SURF4: variants seen among roughly 807,000 people sequenced by gnomAD.
SURF4 encodes surfeit locus protein 4.
SURF4 carries 3 observed loss-of-function variants against 30.0 expected under a neutral mutation model. The ratio of observed to expected loss-of-function variants is 0.10; its 90% CI spans 0.05 to 0.26. SURF4 has a LOEUF of 0.26. Among genes scored for constraint, SURF4 ranks in the 10% least tolerant of loss-of-function variants. The pLI, the probability that SURF4 is intolerant of heterozygous loss-of-function variation, is 1.00. For synonymous variants in SURF4, 143 were observed against 139.9 expected, an observed-to-expected ratio of 1.02 and a Z score of -0.16; for missense variants, 217 against 350.8, an observed-to-expected ratio of 0.62 and a Z score of 3.05.
Position 133,363,975 on chromosome 9 carries a change from G to T in SURF4, c.544-216C>A. The T allele has an allele frequency of 1.4e-6, 1 of 719,586 alleles. No individual in the cohort carries two copies. Among genetic ancestry groups the T allele is most frequent in the South Asian group, 1.5e-5 (1 of 66,708 alleles). 44.6% of individuals were successfully genotyped at this position (719,586 alleles called of 1,614,324 possible). A position where few individuals can be genotyped will look rare whatever the true frequency, so the allele number is the denominator to read the frequency against. On this transcript the variant is annotated intron_variant, in intron 5 of 5. Transcript: ENST00000371989. The surrounding 1 kb of genome is among the most constrained non-coding windows in gnomAD (Gnocchi z 4.3). The stretch of plus-strand genomic sequence containing the variant: ...TTTGAAATGTGGAAGGTTTGGGGAA[G>T]ACTGAAGTTCCCAACTAGTAACAGG...
At chr9:133,373,905 G>GT (rs1837670246) in intron 1 of SURF4, among the ~76,000 whole-genome samples, 1 of 38,208 alleles carries the variant, frequency 2.6e-5, no homozygotes, top group South Asian at 1.1e-3. Context: ...GCGAAATTCT[G>GT]TCTCAAAAAA....
chr9:133,373,909 CAAAAAAAA>C lies in SURF4; in HGVS notation c.48+2005_48+2012del, dbSNP rs71824689. Among the ~76,000 whole-genome samples, 299 of 47,558 alleles carry C rather than the reference CAAAAAAAA, an allele frequency of 6.3e-3. 3 individuals are homozygous for C. Among genetic ancestry groups the C allele is most frequent in the Middle Eastern group, 0.026 (2 of 76 alleles). 31.2% of individuals were successfully genotyped at this position (47,558 alleles called of 152,430 possible). A position where few individuals can be genotyped will look rare whatever the true frequency, so the allele number is the denominator to read the frequency against. On this transcript the variant is annotated intron_variant, in intron 1 of 5. Transcript: ENST00000371989. ...CTCCAGCCTGAGCGAAATTCTGTCT[CAAAAAAAA>C]AAAAAAAAAAAAAAAAAAGAAGAAG... is the stretch of plus-strand genomic sequence containing the variant.
intron 5 of SURF4, 30 bp downstream of exon 5, chr9:133,364,810 A>G: frequency 6.2e-7 from 1 of 1,612,466 alleles, no homozygotes; most frequent in Non-Finnish European, 8.5e-7. Flanking sequence ...ACAGGAAACC[A>G]GACCGGTTCA....
At position 133,361,597 on chromosome 9, in the gene SURF4, T is replaced by C. The variant is rs117381245; in HGVS notation, c.*1896A>G. On this transcript the variant is annotated 3_prime_UTR_variant, in exon 6 of 6. Coordinates refer to ENST00000371989, the MANE Select transcript of SURF4 (RefSeq NM_033161.4). ...ACATAAAGCAAAAAAATCTTAGAAA[T>C]TGTTTTGCCAGAATCAATTGGTAGA... 126 of 156,164 alleles carry C rather than the reference T, an allele frequency of 8.1e-4. 2 individuals are homozygous for C. In the East Asian group the frequency reaches 0.023, roughly 28 times the overall value. 9.7% of individuals were successfully genotyped at this position (156,164 alleles called of 1,614,324 possible).
At chr9:133,367,147 G>C in intron 2 of SURF4, 112 bp downstream of exon 2, 1 of 1,354,732 alleles carries the variant, frequency 7.4e-7, no homozygotes, top group Non-Finnish European at 1.0e-6. Flanking sequence ...AGAGGGGAAT[G>C]GAGGGGGGAC....
At chr9:133,375,788 G>A (rs1837874935) in intron 1 of SURF4, 134 bp downstream of exon 1, 4 of 932,240 alleles carry the variant, frequency 4.3e-6, no homozygotes, top group South Asian at 5.4e-5. Context: ...GGCCCGGGCG[G>A]GGGGGTCCCC....
At chr9:133,367,952 C>G (rs1452392029) in intron 1 of SURF4, among the ~76,000 whole-genome samples, 1 of 152,246 alleles carries the variant, frequency 6.6e-6, no homozygotes, top group African/African-American at 2.4e-5. Context: ...GTGGGTCATC[C>G]TGGGTGCTGC....
rs2130089008 is a variant in SURF4, at chr9:133,363,600, G to A, written c.703C>T (p.Leu235=). The change falls in exon 6 of 6, where the codon CTG becomes TTG. Residue 235 remains leucine, a synonymous_variant. Transcript: ENST00000371989. This position sits in a 1 kb window ranked among gnomAD's most constrained non-coding sequence, Gnocchi z 4.3. ...IPVYKPMHDF[L]KYDFFQTMSV... is the part of the protein sequence containing the mutation. ...ATGGTCTGGAAGAAGTCGTATTTCA[G>A]GAAGTCATGCATGGGCTTGTAGACT... 12 of 1,614,076 alleles carry A rather than the reference G, an allele frequency of 7.4e-6. No homozygotes were observed. The East Asian group carries it at 2.4e-4, about 33-fold the overall frequency.
upstream of SURF4, chr9:133,376,062 C>T: frequency 1.7e-6 from 2 of 1,208,422 alleles, no homozygotes; most frequent in Non-Finnish European, 2.1e-6. Context: ...ACAGGAAGTG[C>T]CCGGCGGCCG....
upstream of SURF4, chr9:133,376,289 C>T: frequency 2.2e-6 from 3 of 1,337,120 alleles, no homozygotes; most frequent in Non-Finnish European, 2.9e-6. Flanking sequence ...TGCGGTCCCT[C>T]CCGGCCCGGC....
Position 133,375,928 on chromosome 9 carries a change from G to A in SURF4, c.42C>T (p.Ala14=). The A allele has an allele frequency of 2.4e-6, 3 of 1,230,022 alleles. No homozygotes were observed. Among genetic ancestry groups the A allele is most frequent in the Non-Finnish European group, 3.1e-6 (3 of 982,704 alleles). 76.2% of individuals were successfully genotyped at this position (1,230,022 alleles called of 1,614,324 possible). A position where few individuals can be genotyped will look rare whatever the true frequency, so the allele number is the denominator to read the frequency against. The change falls in exon 1 of 6, where the codon GCC becomes GCT. Residue 14 remains alanine, a synonymous_variant. Transcript: ENST00000371989. ...AGGAGCCCGCAGGCCGCACCTGGTC[G>A]GCGAAGTCCTCGGCCGTGCCCATCA... The part of the protein sequence containing the change: ...NDLMGTAEDF[A]DQFLRVTKQY...
chr9:133,376,615 C>G, upstream of SURF4: 1 of 1,452,134 alleles, frequency 6.9e-7, no homozygotes, highest in Non-Finnish European at 9.2e-7. Context: ...CGGTCGCAAC[C>G]CTGGAGCTAC....
chr9:133,373,358 G>A (rs2130206204), intron 1 of SURF4, among the ~76,000 whole-genome samples: 2 of 152,226 alleles, frequency 1.3e-5, no homozygotes, highest in Non-Finnish European at 2.9e-5. Context: ...CAGAACTTTA[G>A]GAGGCCAAGG....
At chr9:133,376,133 C>T, upstream of SURF4, 4 of 1,205,194 alleles carry the variant, frequency 3.3e-6, no homozygotes, top group Non-Finnish European at 4.1e-6. Flanking sequence ...CTTAAAGGGG[C>T]CGCGCGCCGC....
chr9:133,364,739 T>C, intron 5 of SURF4, 101 bp downstream of exon 5: 1 of 1,092,906 alleles, frequency 9.1e-7, no homozygotes, highest in Non-Finnish European at 1.3e-6. Flanking sequence ...TCCCCCAGGC[T>C]GTGGTTAATA....
In SURF4 at chr9:133,370,762, G is replaced by A. The variant is rs2130181909; in HGVS notation, c.49-3317C>T. ...CACAGGTGACCTGTGTAAACACGGC[G>A]AGCACATAAAACTTGTGACAGTCCC... is the stretch of plus-strand genomic sequence containing the variant. On this transcript the variant is annotated intron_variant, in intron 1 of 5. Transcript: ENST00000371989. 2.1e-3 allele frequency: 1,623 copies of A among 768,786 alleles called. 39 individuals are homozygous for A. In the South Asian group the frequency reaches 0.022, roughly 10 times the overall value. The allele number at this position is 768,786 out of a possible 1,614,324, so 47.6% of individuals were successfully genotyped here.
intron 2 of SURF4, 104 bp downstream of exon 2, chr9:133,367,155 G>C: frequency 7.1e-7 from 1 of 1,401,184 alleles, no homozygotes; most frequent in South Asian, 1.4e-5. Flanking sequence ...ATGGAGGGGG[G>C]ACAGCAGTCC....
chr9:133,365,640 G>T (rs183102490), intron 4 of SURF4, among the ~76,000 whole-genome samples: 1 of 152,316 alleles, frequency 6.6e-6, no homozygotes, highest in Admixed American at 6.5e-5. Context: ...TTTGTGTTGG[G>T]CCATGTTCAC....
Position 133,364,951 on chromosome 9 carries a change from G to C in SURF4, c.432C>G (p.Gly144=). 1 of 1,613,004 alleles carries C rather than the reference G, an allele frequency of 6.2e-7. No individual in the cohort carries two copies. The highest frequency in any genetic ancestry group is 8.5e-7 in the Non-Finnish European group (1 of 1,179,498). The part of the protein sequence containing the change: ...SRSEGKSMFA[G]VPTMRESSPK... ...GGGAGCTCTCACGCATGGTGGGGAC[G>C]CCCGCAAACATGCTCTTCCCTTCAG... Residue 144 remains glycine, a synonymous_variant, in exon 5 of 6, where the codon GGC becomes GGG. Transcript: ENST00000371989.
Sources: gnomAD v4.1 joint callset for allele counts (sites outside exome capture counted in the v4.1 genomes callset) on GRCh38, gnomAD v4.1.1 for gene constraint, Gnocchi (gnomAD v3.1) non-coding constraint, MANE v1.5 for transcripts, NCBI Gene and HGNC (gene_info 2026-07-23, HGNC 2026-07-21) for gene names.